Variants in RAB27A observed in about 807,000 individuals in gnomAD.
The protein encoded by RAB27A is ras-related protein Rab-27A.
A neutral mutation model predicts 20.8 loss-of-function variants in RAB27A; 17 were observed. The observed-to-expected ratio is 0.82, with a 90% confidence interval of 0.56 to 1.23. RAB27A has a LOEUF of 1.23. RAB27A is among the 50% of genes most tolerant of loss of function. The pLI, the probability that RAB27A is intolerant of heterozygous loss-of-function variation, is 0.00. For synonymous variants in RAB27A, 85 were observed against 92.8 expected (o/e 0.92, Z 0.48); for missense variants, 277 against 266.7 (o/e 1.04, Z -0.27).
intron 2 of RAB27A, among the ~76,000 whole-genome samples, chr15:55,254,787 T>G (rs1897020719): frequency 6.6e-6 from 1 of 152,230 alleles, no homozygotes; most frequent in African/African-American, 2.4e-5. Context: ...CACAAAATAT[T>G]TATGAACTCG....
intron 1 of RAB27A, among the ~76,000 whole-genome samples, chr15:55,275,960 A>T (rs1897862133): frequency 6.7e-6 from 1 of 149,952 alleles, no homozygotes; most frequent in African/African-American, 2.4e-5. Context: ...AGTGTTGGCA[A>T]GGATGTGGAG....
chr15:55,215,668 GTCAT>G (rs1895255827), intron 6 of RAB27A, among the ~76,000 whole-genome samples: 1 of 114,732 alleles, frequency 8.7e-6, no homozygotes. Flanking sequence ...AAAAAAAAGA[GTCAT>G]AACCTCAGGT....
chr15:55,236,045 T>A (rs1184654911), intron 2 of RAB27A, among the ~76,000 whole-genome samples: 1 of 151,926 alleles, frequency 6.6e-6, no homozygotes, highest in Non-Finnish European at 1.5e-5. Flanking sequence ...GATAAAAGAC[T>A]ACAGATTGAA....
intron 2 of RAB27A, among the ~76,000 whole-genome samples, chr15:55,301,937 T>C (rs972328272): frequency 3.3e-5 from 5 of 152,090 alleles, no homozygotes; most frequent in Admixed American, 6.5e-5. Flanking sequence ...TGAGCCACCA[T>C]GCCCAGTTCA....
At chr15:55,286,912 C>CTTTTTTTTTT (rs35313703) in intron 1 of RAB27A, among the ~76,000 whole-genome samples, 3 of 57,170 alleles carry the variant, frequency 5.2e-5, no homozygotes, top group East Asian at 6.1e-4. Flanking sequence ...TAGATGTATT[C>CTTTTTTTTTT]TTTTTTTTTT....
chr15:55,204,951 C>A lies in RAB27A; in HGVS notation c.*556G>T. ...TCTATAGATATAGCCATGATTTGTC[C>A]TATATTCATGTTAAATAGAATGCTT... is the stretch of plus-strand genomic sequence containing the variant. On this transcript the variant is annotated 3_prime_UTR_variant, in exon 7 of 7. Coordinates refer to ENST00000336787, the MANE Select transcript of RAB27A (RefSeq NM_183235.3). The A allele has an allele frequency of 6.0e-6, 1 of 167,880 alleles. No homozygotes were observed. Among genetic ancestry groups the A allele is most frequent in the Admixed American group, 5.7e-5 (1 of 17,476 alleles). 10.4% of individuals were successfully genotyped at this position (167,880 alleles called of 1,614,324 possible).
At chr15:55,306,728 T>C (rs1221958562) in intron 2 of RAB27A, among the ~76,000 whole-genome samples, 2 of 152,174 alleles carry the variant, frequency 1.3e-5, no homozygotes, top group African/African-American at 4.8e-5. Flanking sequence ...TAAACTCCTA[T>C]ACGATGGGGC....
intron 6 of RAB27A, among the ~76,000 whole-genome samples, chr15:55,220,647 T>C (rs1360202258): frequency 6.6e-6 from 1 of 152,192 alleles, no homozygotes; most frequent in Non-Finnish European, 1.5e-5. Flanking sequence ...TCAAACAACA[T>C]ACAAATTATA....
At chr15:55,295,907 T>C (rs2054946528) in intron 2 of RAB27A, among the ~76,000 whole-genome samples, 2 of 151,918 alleles carry the variant, frequency 1.3e-5, no homozygotes, top group South Asian at 4.2e-4. Flanking sequence ...TACTTTTTTT[T>C]TTTTTTTGAG....
At chr15:55,216,142 G>A (rs901008242) in intron 6 of RAB27A, among the ~76,000 whole-genome samples, 2 of 152,082 alleles carry the variant, frequency 1.3e-5, no homozygotes, top group African/African-American at 2.4e-5. Context: ...AAAGCACTTA[G>A]ATCAGAACCT....
Position 55,220,160 on chromosome 15 carries a change from A to G in RAB27A, c.467+3729T>C, listed in dbSNP as rs138257826. ...CTGTAGTGTTCTTTATTAGGCTTAC[A>G]AAGTTCTTCTGAGACATGGTGTTTG... On this transcript the variant is annotated intron_variant, in intron 6 of 6. Transcript: ENST00000336787. Among the ~76,000 whole-genome samples, 89 of 152,348 alleles carry G rather than the reference A, an allele frequency of 5.8e-4. No individual in the cohort carries two copies. The East Asian group carries it at 7.7e-3, about 13-fold the overall frequency.
intron 2 of RAB27A, among the ~76,000 whole-genome samples, chr15:55,259,058 C>T (rs138363140): frequency 0.034 from 5,119 of 152,242 alleles, 132 homozygotes; most frequent in Non-Finnish European, 0.048. Context: ...GCAAGTGATC[C>T]GCCCACCTTG....
intron 2 of RAB27A, among the ~76,000 whole-genome samples, chr15:55,303,267 C>A (rs1595755748): frequency 1.0e-5 from 1 of 97,352 alleles, no homozygotes; most frequent in Non-Finnish European, 2.0e-5. Context: ...GTGGGGGGGT[C>A]AGCCCCCCGC....
intron 2 of RAB27A, among the ~76,000 whole-genome samples, chr15:55,304,269 C>A (rs2054988262): frequency 1.3e-5 from 2 of 150,806 alleles, no homozygotes. Flanking sequence ...AGGCAGCATG[C>A]TCGTTAAGAG....
intron 6 of RAB27A, among the ~76,000 whole-genome samples, chr15:55,215,187 T>C (rs1895221978): frequency 6.6e-6 from 1 of 152,218 alleles, no homozygotes; most frequent in Non-Finnish European, 1.5e-5. Flanking sequence ...GTTACAAATA[T>C]CTTTCCAACT....
At chr15:55,298,751 C>A (rs1455675673) in intron 2 of RAB27A, among the ~76,000 whole-genome samples, 1 of 152,172 alleles carries the variant, frequency 6.6e-6, no homozygotes, top group Non-Finnish European at 1.5e-5. Context: ...GATGGGCACA[C>A]CCAGGGGGGC....
intron 1 of RAB27A, among the ~76,000 whole-genome samples, chr15:55,276,068 T>G (rs78250575): frequency 0.013 from 2,045 of 152,190 alleles, 19 homozygotes; most frequent in Middle Eastern, 0.027. Context: ...TTCAAAAATT[T>G]TTTAAATAGA....
chr15:55,226,461 C>A (rs1420014579), intron 5 of RAB27A, among the ~76,000 whole-genome samples: 1 of 152,028 alleles, frequency 6.6e-6, no homozygotes, highest in Non-Finnish European at 1.5e-5. Flanking sequence ...TCAGCTACTT[C>A]TTTAATGCAA....
intron 1 of RAB27A, among the ~76,000 whole-genome samples, chr15:55,287,677 G>A (rs1898193216): frequency 6.6e-6 from 1 of 152,010 alleles, no homozygotes; most frequent in South Asian, 2.1e-4. Flanking sequence ...AACCAGGGAG[G>A]CGGAGGTTGC....
Sources: gnomAD v4.1 joint callset for allele counts (sites outside exome capture counted in the v4.1 genomes callset) on GRCh38, gnomAD v4.1.1 for gene constraint, MANE v1.5 for transcripts, NCBI Gene and HGNC (gene_info 2026-07-23, HGNC 2026-07-21) for gene names.